The following NRG1 variants were observed in gnomAD, a reference collection of about 807,000 sequenced individuals.
NRG1 encodes the protein pro-neuregulin-1, membrane-bound isoform.
In NRG1, 18 loss-of-function variants were observed where a neutral mutation model predicts 63.8. The observed-to-expected ratio is 0.28, with a 90% CI of 0.19 to 0.42. The LOEUF (loss-of-function observed/expected upper bound fraction) is 0.42, where lower values mean the gene tolerates loss of function less well. NRG1 is among the 10% of genes least tolerant of loss of function. NRG1 has a pLI of 1.00. For missense variants in NRG1, 762 were observed against 814.7 expected (o/e 0.94, Z 0.79); for synonymous variants, 302 against 301.3 (o/e 1.00, Z -0.02).
chr8:32,204,611 A>G (rs1843830813), intron 1 of NRG1, among the ~76,000 whole-genome samples: 1 of 152,206 alleles, frequency 6.6e-6, no homozygotes, highest in Non-Finnish European at 1.5e-5. Flanking sequence ...AATGAGAAAT[A>G]ACATTTGTGA....
At chr8:32,628,785 T>G (rs1588828260) in intron 5 of NRG1, among the ~76,000 whole-genome samples, 1 of 149,024 alleles carries the variant, frequency 6.7e-6, no homozygotes, top group African/African-American at 2.5e-5. Context: ...CAGGCTGGAG[T>G]GCAGTGGCAT....
chr8:32,620,181 A>G (rs1419140849), intron 5 of NRG1, among the ~76,000 whole-genome samples: 1 of 152,204 alleles, frequency 6.6e-6, no homozygotes, highest in African/African-American at 2.4e-5. Flanking sequence ...TCAGCTTCAA[A>G]GAATAGATTT....
chr8:32,224,460 A>C lies in NRG1; in HGVS notation c.38-371368A>C, dbSNP rs147772723. On this transcript the variant is annotated intron_variant, in intron 1 of 10. Coordinates refer to the NRG1 transcript ENST00000519301. Reference sequence around the variant, plus strand: ...AATTAATCCTTCTTTACTTAGAACTATCTGAGGATCAAGTGATCTTCCAGT... The same window carrying C: ...AATTAATCCTTCTTTACTTAGAACTCTCTGAGGATCAAGTGATCTTCCAGT... Among the ~76,000 whole-genome samples the C allele has an allele frequency of 3.2e-3, 489 of 152,332 alleles. 4 individuals are homozygous for C. The highest frequency in any genetic ancestry group is 0.011 in the African/African-American group (460 of 41,572).
chr8:32,368,051 C>A (rs908223649), intron 1 of NRG1, among the ~76,000 whole-genome samples: 2 of 152,154 alleles, frequency 1.3e-5, no homozygotes, highest in Non-Finnish European at 2.9e-5. Context: ...AACACCAATA[C>A]CATGCTGTTT....
At chr8:31,968,268 GGA>G (rs142644475) in intron 1 of NRG1, among the ~76,000 whole-genome samples, 45 of 152,302 alleles carry the variant, frequency 3.0e-4, no homozygotes, top group Admixed American at 7.8e-4. Flanking sequence ...CTAGCTGTCA[GGA>G]GAGAGTGCTG....
chr8:31,707,817 A>G (rs1811298797), intron 1 of NRG1, among the ~76,000 whole-genome samples: 1 of 152,090 alleles, frequency 6.6e-6, no homozygotes. Flanking sequence ...TCAGTTAATT[A>G]TCTTTTATCT....
At chr8:31,934,422 T>TC (rs1835126087) in intron 1 of NRG1, among the ~76,000 whole-genome samples, 13 of 12,584 alleles carry the variant, frequency 1.0e-3, no homozygotes, top group Middle Eastern at 0.1. Flanking sequence ...TTCGCTCTCT[T>TC]TTTTTTTTTT....
At chr8:31,666,554 T>C (rs1242294603) in intron 1 of NRG1, among the ~76,000 whole-genome samples, 1 of 152,246 alleles carries the variant, frequency 6.6e-6, no homozygotes, top group African/African-American at 2.4e-5. Flanking sequence ...GCAAGTAATT[T>C]CTTTCTCTGG....
At chr8:32,732,873 T>C (rs566711370) in intron 6 of NRG1, among the ~76,000 whole-genome samples, 1 of 142,728 alleles carries the variant, frequency 7.0e-6, no homozygotes, top group African/African-American at 2.6e-5. Flanking sequence ...AATGGTGCAG[T>C]CTCAGCTCAC....
At chr8:31,974,552 T>C (rs1157639790) in intron 1 of NRG1, among the ~76,000 whole-genome samples, 3 of 152,170 alleles carry the variant, frequency 2.0e-5, no homozygotes, top group African/African-American at 7.2e-5. Flanking sequence ...ACTGTCAGTC[T>C]ATTCATTCAG....
At chr8:32,303,399 C>T (rs1855836450) in intron 1 of NRG1, among the ~76,000 whole-genome samples, 1 of 151,838 alleles carries the variant, frequency 6.6e-6, no homozygotes, top group Admixed American at 6.6e-5. Context: ...TGACTTAACA[C>T]ACACAACTGC....
intron 1 of NRG1, among the ~76,000 whole-genome samples, chr8:32,203,498 C>G (rs1175039461): frequency 6.6e-6 from 1 of 151,920 alleles, no homozygotes; most frequent in African/African-American, 2.4e-5. Flanking sequence ...CTCAGCCTCC[C>G]CAGTAGCTGG....
chr8:31,763,105 GA>G (rs994302964), intron 1 of NRG1, among the ~76,000 whole-genome samples: 1 of 151,926 alleles, frequency 6.6e-6, no homozygotes, highest in Admixed American at 6.5e-5. Context: ...AAAAGCGTTT[GA>G]AAAAAAGGTA....
chr8:32,568,243 C>T (rs1837843660), intron 1 of NRG1, among the ~76,000 whole-genome samples: 2 of 152,152 alleles, frequency 1.3e-5, no homozygotes, highest in Admixed American at 6.6e-5. Context: ...TCGAAGTGCT[C>T]GTTTCAATAT....
chr8:32,305,552 G>A (rs183675445), intron 1 of NRG1, among the ~76,000 whole-genome samples: 11 of 152,292 alleles, frequency 7.2e-5, no homozygotes, highest in Admixed American at 6.5e-4. Context: ...AAGGATTGCC[G>A]TGTGTATCTT....
intron 1 of NRG1, among the ~76,000 whole-genome samples, chr8:32,086,258 A>G (rs897676010): frequency 5.3e-5 from 8 of 152,252 alleles, no homozygotes; most frequent in Admixed American, 2.6e-4. Context: ...TCTTATCTCA[A>G]TTAAAAATAT....
chr8:32,201,054 CA>C (rs1187662521), intron 1 of NRG1, among the ~76,000 whole-genome samples: 1 of 152,154 alleles, frequency 6.6e-6, no homozygotes, highest in Non-Finnish European at 1.5e-5. Flanking sequence ...AGGTATATTT[CA>C]GGCCAACTTA....
intron 5 of NRG1, among the ~76,000 whole-genome samples, chr8:32,629,498 T>C (rs1387482096): frequency 6.6e-6 from 1 of 152,230 alleles, no homozygotes; most frequent in African/African-American, 2.4e-5. Context: ...ATTATCATTT[T>C]TTAAGTTGTA....
At chr8:32,236,024 G>C (rs1034443892) in intron 1 of NRG1, among the ~76,000 whole-genome samples, 10 of 152,236 alleles carry the variant, frequency 6.6e-5, no homozygotes, top group African/African-American at 1.9e-4. Context: ...GTGAGGCTGA[G>C]AGCAAGAAGT....
Sources: allele counts gnomAD v4.1 joint callset (sites outside exome capture counted in the v4.1 genomes callset), GRCh38; gene constraint gnomAD v4.1.1; transcripts MANE v1.5; gene names NCBI Gene and HGNC (gene_info 2026-07-23, HGNC 2026-07-21).